The following CNGB1 variants were observed in gnomAD, a reference collection of about 807,000 sequenced individuals.
The protein encoded by CNGB1 is cyclic nucleotide gated channel subunit beta 1.
A neutral mutation model predicts 151.7 loss-of-function variants in CNGB1; 126 were observed. The ratio of observed to expected loss-of-function variants is 0.83; its 90% CI spans 0.72 to 0.96. The LOEUF is 0.96. Ranked by LOEUF, CNGB1 falls within the 40% of genes least tolerant of loss-of-function variation. The probability of loss-of-function intolerance (pLI) is 0.00; values close to 1 mark genes in which losing one functional copy is unlikely to be tolerated. For missense variants in CNGB1, 1,698 were observed against 1,627.0 expected (o/e 1.04, Z -0.75); for synonymous variants, 623 against 635.1 (o/e 0.98, Z 0.29).
rs772949180 is a variant in CNGB1, at chr16:57,919,234, C to T, written c.1822G>A (p.Glu608Lys). The change falls in exon 20 of 33, where the codon GAG becomes AAG. Residue 608 changes from glutamate to lysine, a missense_variant. Transcript: ENST00000251102. ...PKPSPAKKAP[E>K]PAPDTKPAEA... Reference sequence around the variant, plus strand: ...GCGGGCTTTGTGTCTGGAGCTGGCTCTGGGGCTTTCTTGGCTGGGGCTGTG... The same window carrying T: ...GCGGGCTTTGTGTCTGGAGCTGGCTTTGGGGCTTTCTTGGCTGGGGCTGTG... 10 of 1,614,084 alleles carry T rather than the reference C, an allele frequency of 6.2e-6. No individual in the cohort carries two copies. Among genetic ancestry groups the T allele is most frequent in the Non-Finnish European group, 8.5e-6 (10 of 1,180,050 alleles).
At chr16:57,931,593 T>A (rs1961350734) in intron 17 of CNGB1, 123 bp downstream of exon 17, 1 of 1,153,306 alleles carries the variant, frequency 8.7e-7, no homozygotes, top group Admixed American at 2.0e-5. Context: ...GTCCCACTTC[T>A]GACACCAACT....
intron 19 of CNGB1, among the ~76,000 whole-genome samples, 179 bp downstream of exon 19, chr16:57,920,208 C>G (rs1023403718): frequency 6.6e-6 from 1 of 152,194 alleles, no homozygotes; most frequent in Non-Finnish European, 1.5e-5. Context: ...GATCTTCCCA[C>G]CCTTGGGTAC....
At chr16:57,931,931 C>T (rs1466844475) in intron 16 of CNGB1, 53 bp from the exon 17 acceptor site, 1 of 1,594,916 alleles carries the variant, frequency 6.3e-7, no homozygotes, top group Non-Finnish European at 8.6e-7. Context: ...AGCTGGGTCC[C>T]AGGAGTCCAG....
intron 25 of CNGB1, among the ~76,000 whole-genome samples, chr16:57,906,213 C>G (rs183643865): frequency 4.5e-4 from 68 of 152,354 alleles, no homozygotes; most frequent in African/African-American, 1.6e-3. Context: ...CTCTCTCTCT[C>G]TCTCCAAGCC....
Position 57,952,922 on chromosome 16 carries a change from G to C in CNGB1, c.875-2382C>G, listed in dbSNP as rs368324506. On this transcript the variant is annotated intron_variant, in intron 12 of 32. Transcript: ENST00000251102. ...GGTGCCCAAGATCACCAACCTGGAAGGGGAGGGATTGGGTATGCTGCCACA... is the reference window on the plus strand; with the variant it reads ...GGTGCCCAAGATCACCAACCTGGAACGGGAGGGATTGGGTATGCTGCCACA... Among the ~76,000 whole-genome samples, 22 of 152,336 alleles carry C rather than the reference G, an allele frequency of 1.4e-4. No homozygotes were observed. In the East Asian group the frequency reaches 1.7e-3, roughly 12 times the overall value.
intron 16 of CNGB1, among the ~76,000 whole-genome samples, chr16:57,934,881 C>T (rs139394635): frequency 0.01 from 1,540 of 150,240 alleles, 34 homozygotes; most frequent in East Asian, 0.083. Context: ...GGCGTGAACC[C>T]GGGAGGCGGA....
chr16:57,905,401 G>A (rs745684561), intron 25 of CNGB1, among the ~76,000 whole-genome samples: 22 of 152,322 alleles, frequency 1.4e-4, no homozygotes, highest in Middle Eastern at 3.4e-3. Context: ...GGGCACACCC[G>A]TGGTCACTAG....
At chr16:57,930,628 G>T (rs1371795800) in intron 17 of CNGB1, among the ~76,000 whole-genome samples, 2 of 152,052 alleles carry the variant, frequency 1.3e-5, no homozygotes, top group Non-Finnish European at 2.9e-5. Flanking sequence ...ACAAAGAAAA[G>T]AAAATGTGGC....
At chr16:57,940,414 G>C in intron 14 of CNGB1, 93 bp from the exon 15 acceptor site, 5 of 1,262,886 alleles carry the variant, frequency 4.0e-6, no homozygotes, top group Non-Finnish European at 5.6e-6. Context: ...TCTGTGCCAG[G>C]AGCGGAGGGT....
chr16:57,934,086 C>T (rs1260439157), intron 16 of CNGB1, among the ~76,000 whole-genome samples: 1 of 152,048 alleles, frequency 6.6e-6, no homozygotes, highest in Non-Finnish European at 1.5e-5. Flanking sequence ...ATTGCTTACA[C>T]TTACTCTATA....
intron 2 of CNGB1, among the ~76,000 whole-genome samples, 182 bp downstream of exon 2, chr16:57,966,946 C>A (rs1180372927): frequency 6.6e-6 from 1 of 152,198 alleles, no homozygotes; most frequent in Non-Finnish European, 1.5e-5. Flanking sequence ...CTTGGGCAAG[C>A]CCTACCCACT....
intron 14 of CNGB1, among the ~76,000 whole-genome samples, chr16:57,944,501 T>C (rs1290209112): frequency 1.3e-5 from 2 of 152,118 alleles, no homozygotes; most frequent in Non-Finnish European, 2.9e-5. Context: ...AATGTATTTG[T>C]AAAAATTGTT....
rs766108478 is a variant in CNGB1 at position 57,911,763 on chromosome 16, C to CGCCAT, written c.2477_2481dup (p.Val828MetfsTer15). Reference sequence around the variant, plus strand: ...AGGACTGTGGCTCACCTGTTTCCCACGCCATCGTAAACCCAGTGAGTGGAG... The same window carrying CGCCAT: ...AGGACTGTGGCTCACCTGTTTCCCACGCCATGCCATCGTAAACCCAGTGAGTGGAG... On this transcript the variant is annotated frameshift_variant, in exon 25 of 33. Transcript: ENST00000251102. LOFTEE classifies it high-confidence loss of function. The CGCCAT allele has an allele frequency of 1.2e-6, 2 of 1,613,986 alleles. No homozygotes were observed. Among genetic ancestry groups the CGCCAT allele is most frequent in the Non-Finnish European group, 1.7e-6 (2 of 1,179,900 alleles).
rs1389199667 is a variant in CNGB1, at chr16:57,882,709, C to T, written c.*1455G>A. The T allele has an allele frequency of 6.6e-6, 1 of 152,094 alleles. No individual in the cohort carries two copies. The highest frequency in any genetic ancestry group is 1.5e-5 in the Non-Finnish European group (1 of 68,018). 9.4% of individuals were successfully genotyped at this position (152,094 alleles called of 1,614,324 possible). ...ACTAGATTTTGTTTTTAATCACTCACTCCCCCAAGAGCCATTTGGTATGCA... is the reference window on the plus strand; with the variant it reads ...ACTAGATTTTGTTTTTAATCACTCATTCCCCCAAGAGCCATTTGGTATGCA... On this transcript the variant is annotated 3_prime_UTR_variant, in exon 33 of 33. Coordinates refer to ENST00000251102, the MANE Select transcript of CNGB1 (RefSeq NM_001297.5).
rs572930933 is a variant in CNGB1 at position 57,919,202 on chromosome 16, G to A, written c.1854C>T (p.Ala618=). 5.8e-5 allele frequency: 94 copies of A among 1,614,172 alleles called. 1 individual carries two copies. The African/African-American group carries it at 6.0e-4, about 10-fold the overall frequency. ...AATAGTGCTCCTCTTCCACTGGCTC[G>A]GCTTCAGCGGGCTTTGTGTCTGGAG... ...EPAPDTKPAE[A]EPVEEEHYCD... The change falls in exon 20 of 33, where the codon GCC becomes GCT. Residue 618 remains alanine (A), a synonymous_variant. Coordinates refer to ENST00000251102, the MANE Select transcript of CNGB1 (RefSeq NM_001297.5).
chr16:57,950,627 C>G (rs201251271), intron 12 of CNGB1, 87 bp from the exon 13 acceptor site: 7 of 1,274,712 alleles, frequency 5.5e-6, no homozygotes, highest in Non-Finnish European at 5.5e-6. Context: ...GCAGGGAGCC[C>G]TGGCTGTCGC....
At position 57,887,257 on chromosome 16, in the gene CNGB1, C is replaced by T. The variant is rs564566243; in HGVS notation, c.3462+598G>A. Among the ~76,000 whole-genome samples, 3 of 152,248 alleles carry T rather than the reference C, an allele frequency of 2.0e-5. No individual in the cohort carries two copies. The East Asian group carries it at 5.8e-4, about 29-fold the overall frequency. On this transcript the variant is annotated intron_variant, in intron 32 of 32. Coordinates refer to ENST00000251102, the MANE Select transcript of CNGB1 (RefSeq NM_001297.5). ...ACTGTCTTCTGGGGCCGGACATTTG[C>T]TTCTCATACCCTCTCCTCTAACCTC...
intron 12 of CNGB1, among the ~76,000 whole-genome samples, chr16:57,952,493 CTTTTTTTTT>C (rs10598722): frequency 2.1e-4 from 13 of 62,142 alleles, no homozygotes; most frequent in Middle Eastern, 0.019. Context: ...CAAGCATTTC[CTTTTTTTTT>C]TTTTTTTTTT....
intron 25 of CNGB1, among the ~76,000 whole-genome samples, chr16:57,908,302 T>TAATGCC: frequency 6.6e-6 from 1 of 152,230 alleles, no homozygotes; most frequent in African/African-American, 2.4e-5. Flanking sequence ...GAGGGGACGT[T>TAATGCC]CTGAACAATT....
Sources: allele counts gnomAD v4.1 joint callset (sites outside exome capture counted in the v4.1 genomes callset), GRCh38; gene constraint gnomAD v4.1.1; transcripts MANE v1.5; gene names NCBI Gene and HGNC (gene_info 2026-07-23, HGNC 2026-07-21).